PREX1: variants seen among roughly 807,000 people sequenced by gnomAD.
PREX1 encodes the protein phosphatidylinositol 3,4,5-trisphosphate-dependent Rac exchanger 1 protein.
In PREX1, 41 loss-of-function variants were observed where a neutral mutation model predicts 198.3. The observed-to-expected ratio is 0.21, with a 90% CI of 0.16 to 0.27. PREX1 has a LOEUF of 0.27. PREX1 is among the 10% of genes least tolerant of loss of function. PREX1 has a pLI of 1.00. For synonymous variants in PREX1, 843 were observed against 887.2 expected (o/e 0.95, Z 0.89); for missense variants, 1,620 against 2,200.7 (o/e 0.74, Z 5.28).
the PREX1 span, among the ~76,000 whole-genome samples, chr20:48,855,783 A>T: frequency 1.3e-5 from 2 of 152,210 alleles, no homozygotes; most frequent in Non-Finnish European, 2.9e-5. Flanking sequence ...CTGTAATCCC[A>T]GTTACTCAGG....
Position 48,660,102 on chromosome 20 carries a change from G to A in PREX1, c.1739-41C>T, listed in dbSNP as rs201189804. 2.7e-6 allele frequency: 4 copies of A among 1,474,530 alleles called. No homozygotes were observed. In the African/African-American group the frequency reaches 7.0e-5, roughly 26 times the overall value. The allele number at this position is 1,474,530 out of a possible 1,614,324, so 91.3% of individuals were successfully genotyped here. A position where few individuals can be genotyped will look rare whatever the true frequency, so the allele number is the denominator to read the frequency against. On this transcript the variant is annotated intron_variant, in intron 15 of 39. Transcript: ENST00000371941. ...TGTGCACTCAGTGGTCAGATTCACA[G>A]GGAAAGTTTCAGCCATGTTTGCCAA...
the PREX1 span, among the ~76,000 whole-genome samples, chr20:48,846,799 A>T: frequency 4.6e-5 from 7 of 152,174 alleles, no homozygotes; most frequent in African/African-American, 1.7e-4. Flanking sequence ...CCAGAGGGCC[A>T]GGAGAGAAGC....
chr20:48,772,220 TA>T (rs11479750), intron 1 of PREX1, among the ~76,000 whole-genome samples: 62,041 of 151,908 alleles, frequency 0.41, 13,047 homozygotes, highest in Admixed American at 0.46. Context: ...ATAAAATAAC[TA>T]AAAAAATAAA....
chr20:48,734,073 A>C (rs2090046627), intron 4 of PREX1, among the ~76,000 whole-genome samples: 1 of 152,118 alleles, frequency 6.6e-6, no homozygotes, highest in African/African-American at 2.4e-5. Context: ...TTTTAATTGG[A>C]TTTTCTTTCA....
intron 15 of PREX1, among the ~76,000 whole-genome samples, chr20:48,665,857 G>A (rs1203303040): frequency 6.6e-6 from 1 of 152,108 alleles, no homozygotes. Context: ...AGGAGGCCGG[G>A]GAAAGAGGCA....
chr20:48,652,758 A>C, intron 20 of PREX1, 52 bp from the exon 21 acceptor site: 1 of 1,580,272 alleles, frequency 6.3e-7, no homozygotes, highest in Non-Finnish European at 8.6e-7. Context: ...GGTAGGGAGG[A>C]GGGGACAGGG....
At chr20:48,789,863 AGGTG>A (rs201311366) in intron 1 of PREX1, among the ~76,000 whole-genome samples, 1,511 of 151,046 alleles carry the variant, frequency 0.01, 22 homozygotes, top group African/African-American at 0.035. Flanking sequence ...ATGGATGGAC[AGGTG>A]GGTGGGTGGG....
At position 48,659,901 on chromosome 20, in the gene PREX1, G is replaced by A. The variant is rs559254904; in HGVS notation, c.1881+18C>T. On this transcript the variant is annotated intron_variant, in intron 16 of 39. Coordinates refer to ENST00000371941, the MANE Select transcript of PREX1 (RefSeq NM_020820.4). ...GGGCTCTGGCAAGGAAGGGACAGCT[G>A]CTCAGCTGTGCTCCTACCAGCAGGC... 8.7e-6 allele frequency: 14 copies of A among 1,613,910 alleles called. No individual in the cohort carries two copies. In the South Asian group the frequency reaches 8.8e-5, roughly 10 times the overall value.
intron 1 of PREX1, among the ~76,000 whole-genome samples, chr20:48,816,867 C>T (rs1161456895): frequency 6.6e-6 from 1 of 152,188 alleles, no homozygotes; most frequent in African/African-American, 2.4e-5. Flanking sequence ...TACATTGCAC[C>T]CAGACTTCTG....
the PREX1 span, among the ~76,000 whole-genome samples, chr20:48,859,307 G>T: frequency 2.6e-5 from 4 of 152,142 alleles, no homozygotes; most frequent in Admixed American, 2.0e-4. Flanking sequence ...TGGCTACCTT[G>T]TAACAATACC....
intron 1 of PREX1, among the ~76,000 whole-genome samples, chr20:48,820,900 T>A (rs1398497058): frequency 6.6e-6 from 1 of 152,156 alleles, no homozygotes; most frequent in African/African-American, 2.4e-5. Context: ...CCGTGAAACC[T>A]CTTCAAGAGG....
At chr20:48,879,686 C>A in the PREX1 span, among the ~76,000 whole-genome samples, 3 of 152,062 alleles carry the variant, frequency 2.0e-5, no homozygotes, top group Non-Finnish European at 4.4e-5. Context: ...GAAATAAGAC[C>A]CTTACTCCCC....
chr20:48,858,623 T>A, the PREX1 span, among the ~76,000 whole-genome samples: 1 of 152,136 alleles, frequency 6.6e-6, no homozygotes, highest in African/African-American at 2.4e-5. Context: ...AGCTGTCTCC[T>A]CTGGCCTCAC....
intron 5 of PREX1, among the ~76,000 whole-genome samples, chr20:48,717,553 G>A (rs144635730): frequency 1.3e-5 from 2 of 150,276 alleles, no homozygotes; most frequent in African/African-American, 4.9e-5. Context: ...GGAAGTCCAA[G>A]AGAACCCAGA....
chr20:48,634,285 A>G lies in PREX1; in HGVS notation c.4267+391T>C, dbSNP rs529339412. 7.9e-5 allele frequency among the ~76,000 whole-genome samples: 12 copies of G among 152,158 alleles called. No individual in the cohort carries two copies. The South Asian group carries it at 2.1e-3, about 26-fold the overall frequency. ...GAAAGAAAAAGGGAGAAAGGGGAGA[A>G]AGCGTGGAGGAAGGAGAGGTGAGGA... On this transcript the variant is annotated intron_variant, in intron 33 of 39. Transcript: ENST00000371941.
rs2089509018 is a variant in PREX1, at chr20:48,652,689, G to A, written c.2364C>T (p.Ile788=). Reference sequence around the variant, plus strand: ...CCTGGGCATCCTCATGGGTGTGGTAGATCCACTGGTACAGGCCCTGCCAGA... The same window carrying A: ...CCTGGGCATCCTCATGGGTGTGGTAAATCCACTGGTACAGGCCCTGCCAGA... The part of the protein sequence containing the change: ...REEALGLYQW[I]YHTHEDAQEA... Residue 788 remains isoleucine, a synonymous_variant, in exon 21 of 40, where the codon ATC becomes ATT. Coordinates refer to ENST00000371941, the MANE Select transcript of PREX1 (RefSeq NM_020820.4). 6.2e-7 allele frequency: 1 copy of A among 1,612,958 alleles called. No individual in the cohort carries two copies. The highest frequency in any genetic ancestry group is 8.5e-7 in the Non-Finnish European group (1 of 1,179,486).
intron 3 of PREX1, among the ~76,000 whole-genome samples, chr20:48,736,200 T>C (rs1433215743): frequency 6.6e-6 from 1 of 152,092 alleles, no homozygotes; most frequent in South Asian, 2.1e-4. Context: ...TCTACAAGTA[T>C]TAACAACAAA....
At chr20:48,864,236 A>T in the PREX1 span, among the ~76,000 whole-genome samples, 3 of 152,214 alleles carry the variant, frequency 2.0e-5, no homozygotes, top group Admixed American at 6.5e-5. Context: ...CTCCTTGTTC[A>T]TTCATTCATG....
At chr20:48,784,795 G>A (rs994199915) in intron 1 of PREX1, among the ~76,000 whole-genome samples, 2 of 152,200 alleles carry the variant, frequency 1.3e-5, no homozygotes, top group African/African-American at 4.8e-5. Context: ...CCACTCCACT[G>A]GCTGGACAGA....
Sources: gnomAD v4.1 joint callset for allele counts (sites outside exome capture counted in the v4.1 genomes callset) on GRCh38, gnomAD v4.1.1 for gene constraint, MANE v1.5 for transcripts, NCBI Gene and HGNC (gene_info 2026-07-23, HGNC 2026-07-21) for gene names.